NTM: variants seen among roughly 807,000 people sequenced by gnomAD.
NTM encodes IgLON family member 2.
A neutral mutation model predicts 42.1 loss-of-function variants in NTM; 13 were observed. The observed-to-expected ratio is 0.31, with a 90% CI of 0.20 to 0.49. NTM has a LOEUF of 0.49. NTM is among the 20% of genes least tolerant of loss of function. The pLI is 0.99. For synonymous variants in NTM, 187 were observed against 179.2 expected (o/e 1.04, Z -0.35); for missense variants, 373 against 452.8 (o/e 0.82, Z 1.60).
intron 2 of NTM, among the ~76,000 whole-genome samples, chr11:132,020,273 T>C (rs934073981): frequency 3.9e-5 from 6 of 152,164 alleles, no homozygotes; most frequent in African/African-American, 1.4e-4. Flanking sequence ...GTCTTTACCA[T>C]TGTGAATAAC....
chr11:131,979,806 A>G (rs1200855630), intron 2 of NTM, among the ~76,000 whole-genome samples: 1 of 152,260 alleles, frequency 6.6e-6, no homozygotes, highest in Non-Finnish European at 1.5e-5. Flanking sequence ...TTAAGCATTC[A>G]CAAGTCTATG....
At chr11:131,646,583 C>G (rs1437884336) in intron 1 of NTM, among the ~76,000 whole-genome samples, 3 of 152,022 alleles carry the variant, frequency 2.0e-5, no homozygotes, top group African/African-American at 7.3e-5. Context: ...TGTGCTCTAC[C>G]TTTTTAGAGG....
At chr11:132,127,708 G>A (rs183023690) in intron 2 of NTM, among the ~76,000 whole-genome samples, 1 of 152,316 alleles carries the variant, frequency 6.6e-6, no homozygotes, top group East Asian at 1.9e-4. Context: ...GGATTACAGT[G>A]TCTGCCACTC....
chr11:131,862,843 C>G (rs1438649016), intron 1 of NTM, among the ~76,000 whole-genome samples: 1 of 152,230 alleles, frequency 6.6e-6, no homozygotes, highest in African/African-American at 2.4e-5. Context: ...GACAATCTCT[C>G]AAGCCTTTCA....
intron 4 of NTM, among the ~76,000 whole-genome samples, chr11:132,271,820 A>G (rs1028258452): frequency 2.6e-5 from 4 of 151,170 alleles, no homozygotes; most frequent in African/African-American, 9.7e-5. Context: ...TGATTGGCAG[A>G]TATTGTCTCT....
At chr11:132,115,577 G>A (rs578032400) in intron 2 of NTM, among the ~76,000 whole-genome samples, 36 of 152,172 alleles carry the variant, frequency 2.4e-4, no homozygotes, top group Non-Finnish European at 4.0e-4. Flanking sequence ...TGGGAAAGAG[G>A]AGATGACTCT....
chr11:131,828,377 A>G (rs2042392109), intron 1 of NTM, among the ~76,000 whole-genome samples: 2 of 152,060 alleles, frequency 1.3e-5, no homozygotes, highest in Admixed American at 6.6e-5. Flanking sequence ...CATCACTGCA[A>G]CATCACCACC....
chr11:131,751,589 CAAAA>C (rs34297944), intron 1 of NTM, among the ~76,000 whole-genome samples: 3 of 116,104 alleles, frequency 2.6e-5, no homozygotes, highest in Non-Finnish European at 1.9e-5. Flanking sequence ...GACTCCGTCT[CAAAA>C]AAAAAAAAAA....
chr11:132,209,912 G>A (rs2082574622), intron 3 of NTM, among the ~76,000 whole-genome samples: 1 of 152,198 alleles, frequency 6.6e-6, no homozygotes, highest in Non-Finnish European at 1.5e-5. Flanking sequence ...GACATACATG[G>A]AAGGTAACAC....
chr11:131,581,550 C>A (rs2058412600), intron 1 of NTM, among the ~76,000 whole-genome samples: 1 of 152,144 alleles, frequency 6.6e-6, no homozygotes, highest in Non-Finnish European at 1.5e-5. Flanking sequence ...GAACAAAAAG[C>A]AAATTGGCCT....
chr11:131,815,238 C>G (rs771190945), intron 1 of NTM, among the ~76,000 whole-genome samples: 1 of 152,160 alleles, frequency 6.6e-6, no homozygotes, highest in African/African-American at 2.4e-5. Context: ...TCTGGGTGCA[C>G]TGGCTAACTA....
chr11:132,079,947 T>C (rs978976575), intron 2 of NTM, among the ~76,000 whole-genome samples: 1 of 152,214 alleles, frequency 6.6e-6, no homozygotes, highest in African/African-American at 2.4e-5. Flanking sequence ...TAGTTGATTT[T>C]TTAAATTTCG....
intron 1 of NTM, among the ~76,000 whole-genome samples, chr11:131,792,174 T>C (rs2091023960): frequency 6.6e-6 from 1 of 151,774 alleles, no homozygotes; most frequent in Admixed American, 6.6e-5. Context: ...CTAGCAAAAA[T>C]AAAAACAGTC....
chr11:132,043,137 G>T (rs2135804235), intron 2 of NTM, among the ~76,000 whole-genome samples: 1 of 152,302 alleles, frequency 6.6e-6, no homozygotes, highest in South Asian at 2.1e-4. Context: ...GGGATGGGTA[G>T]AAGACATTGC....
At chr11:131,539,769 A>G (rs2052905287) in intron 1 of NTM, among the ~76,000 whole-genome samples, 2 of 152,188 alleles carry the variant, frequency 1.3e-5, no homozygotes, top group Non-Finnish European at 2.9e-5. Context: ...ATGGGAGTGG[A>G]GGTGAGACCA....
At chr11:131,662,000 A>C (rs190335977) in intron 1 of NTM, 13 of 152,340 alleles carry the variant, frequency 8.5e-5, no homozygotes, top group African/African-American at 3.1e-4. Flanking sequence ...GGGTTAACAG[A>C]AAGGGGAAAA....
chr11:132,112,184 A>G (rs768148364), intron 2 of NTM, among the ~76,000 whole-genome samples: 8 of 149,034 alleles, frequency 5.4e-5, no homozygotes, highest in Non-Finnish European at 8.9e-5. Flanking sequence ...AGGCTAAGAC[A>G]GTGTTATGCA....
Position 132,208,908 on chromosome 11 carries a change from G to A in NTM, c.401-3114G>A, listed in dbSNP as rs542662528. 3.9e-5 allele frequency among the ~76,000 whole-genome samples: 6 copies of A among 152,238 alleles called. No homozygotes were observed. In the South Asian group the frequency reaches 1.2e-3, roughly 32 times the overall value. On this transcript the variant is annotated intron_variant, in intron 3 of 8. Coordinates refer to ENST00000683400, the MANE Select transcript of NTM (RefSeq NM_001352005.2). ...CAATAAATTACTTACCTGCACAGTT[G>A]AAGCAACGTCTGCAAGGCCAGCACA...
At chr11:131,564,984 C>T (rs1342486705) in intron 1 of NTM, among the ~76,000 whole-genome samples, 2 of 152,250 alleles carry the variant, frequency 1.3e-5, no homozygotes, top group Non-Finnish European at 2.9e-5. Context: ...TAGTACCTGT[C>T]ACCTACACCG....
Sources: allele counts gnomAD v4.1 joint callset (sites outside exome capture counted in the v4.1 genomes callset), GRCh38; gene constraint gnomAD v4.1.1; transcripts MANE v1.5; gene names NCBI Gene and HGNC (gene_info 2026-07-23, HGNC 2026-07-21).